Variants in LINGO2 observed in about 807,000 individuals in gnomAD.
LINGO2 encodes the protein leucine-rich repeat and immunoglobulin-like domain-containing nogo receptor-interacting protein 2.
LINGO2 carries 14 observed loss-of-function variants against 30.6 expected under a neutral mutation model. The ratio of observed to expected loss-of-function variants is 0.46; its 90% CI spans 0.30 to 0.72. The LOEUF is 0.72. LINGO2 is among the 30% of genes least tolerant of loss of function. The pLI is 0.07. For synonymous variants in LINGO2, 317 were observed against 288.5 expected, an observed-to-expected ratio of 1.10 and a Z score of -1.00; for missense variants, 729 against 751.7, an observed-to-expected ratio of 0.97 and a Z score of 0.35.
At chr9:28,639,223 C>G (rs372010672) in intron 1 of LINGO2, among the ~76,000 whole-genome samples, 8 of 152,058 alleles carry the variant, frequency 5.3e-5, no homozygotes, top group East Asian at 3.9e-4. Flanking sequence ...ATTTGCTGAG[C>G]AGTGCTTTAC....
chr9:28,552,340 A>C (rs1242506193), intron 1 of LINGO2, among the ~76,000 whole-genome samples: 1 of 152,022 alleles, frequency 6.6e-6, no homozygotes, highest in East Asian at 1.9e-4. Flanking sequence ...CATTAAGAAA[A>C]TAACTGCACG....
chr9:28,882,432 AGC>A, the LINGO2 span, among the ~76,000 whole-genome samples: 1 of 152,210 alleles, frequency 6.6e-6, no homozygotes, highest in Non-Finnish European at 1.5e-5. Flanking sequence ...GATTTGGTAC[AGC>A]TACTAGAACA....
chr9:27,995,438 C>G (rs1318882471), intron 5 of LINGO2, among the ~76,000 whole-genome samples: 1 of 152,132 alleles, frequency 6.6e-6, no homozygotes, highest in African/African-American at 2.4e-5. Flanking sequence ...ATAAAAAACG[C>G]TACATGCCAA....
the LINGO2 span, among the ~76,000 whole-genome samples, chr9:29,128,844 GC>G: frequency 6.6e-6 from 1 of 152,042 alleles, no homozygotes; most frequent in African/African-American, 2.4e-5. Context: ...TATACGTTGT[GC>G]CTACCAAATT....
intron 4 of LINGO2, among the ~76,000 whole-genome samples, chr9:28,220,001 G>A (rs1820900767): frequency 6.6e-6 from 1 of 152,050 alleles, no homozygotes; most frequent in Admixed American, 6.5e-5. Context: ...TGTATACTGA[G>A]CCTGCACAAA....
chr9:28,544,377 T>C (rs10968649), intron 1 of LINGO2, among the ~76,000 whole-genome samples: 1 of 152,020 alleles, frequency 6.6e-6, no homozygotes. Context: ...GACAGCTCTC[T>C]TGACTTTCAC....
intron 3 of LINGO2, among the ~76,000 whole-genome samples, chr9:28,348,991 C>G (rs1819727126): frequency 6.7e-6 from 1 of 150,040 alleles, no homozygotes; most frequent in South Asian, 2.1e-4. Flanking sequence ...CACCAAAAAC[C>G]CATCTGTACA....
chr9:28,786,239 TA>T, the LINGO2 span, among the ~76,000 whole-genome samples: 177 of 152,124 alleles, frequency 1.2e-3, 1 homozygote, highest in Non-Finnish European at 2.0e-3. Context: ...ATGCTACTAA[TA>T]AAAAAAACCT....
At chr9:27,986,571 C>G (rs1330940646) in intron 5 of LINGO2, among the ~76,000 whole-genome samples, 2 of 151,778 alleles carry the variant, frequency 1.3e-5, no homozygotes, top group African/African-American at 2.4e-5. Flanking sequence ...TTAGGAAAAA[C>G]TGACAGCCTC....
the LINGO2 span, among the ~76,000 whole-genome samples, chr9:29,129,378 A>T: frequency 2.6e-5 from 4 of 152,170 alleles, no homozygotes; most frequent in East Asian, 1.9e-4. Context: ...TTTAAAATAA[A>T]TTTTTTTGTA....
At chr9:28,556,848 C>T (rs1174702604) in intron 1 of LINGO2, among the ~76,000 whole-genome samples, 1 of 152,024 alleles carries the variant, frequency 6.6e-6, no homozygotes, top group Non-Finnish European at 1.5e-5. Context: ...CACTGCATAT[C>T]TACAACTATC....
At chr9:28,190,853 A>G (rs1053524070) in intron 4 of LINGO2, among the ~76,000 whole-genome samples, 15 of 152,214 alleles carry the variant, frequency 9.9e-5, no homozygotes, top group African/African-American at 3.6e-4. Context: ...CTGAAGAAAC[A>G]TCTAAATTTT....
At chr9:28,911,127 A>T in the LINGO2 span, among the ~76,000 whole-genome samples, 1 of 152,060 alleles carries the variant, frequency 6.6e-6, no homozygotes, top group African/African-American at 2.4e-5. Flanking sequence ...TGGGTCGATT[A>T]TGTCAATAAA....
rs1226563978 is a variant in LINGO2, at chr9:28,308,767, T to C, written c.-245-13401A>G. On this transcript the variant is annotated intron_variant, in intron 3 of 5. Transcript: ENST00000379992. ...ACAAACAACCCCATCAAAAAGTGGG[T>C]GAAGGACATGAACAGACTCTTCTCA... Among the ~76,000 whole-genome samples the C allele has an allele frequency of 5.5e-4, 84 of 151,502 alleles. 1 individual carries two copies. The East Asian group carries it at 8.7e-3, about 16-fold the overall frequency.
intron 4 of LINGO2, among the ~76,000 whole-genome samples, chr9:28,021,570 C>G (rs1052661591): frequency 9.2e-5 from 14 of 152,130 alleles, no homozygotes; most frequent in Non-Finnish European, 1.6e-4. Flanking sequence ...CTTGATTTAC[C>G]AATTATTGAA....
chr9:28,564,915 C>T (rs1341928852), intron 1 of LINGO2, among the ~76,000 whole-genome samples: 1 of 152,050 alleles, frequency 6.6e-6, no homozygotes. Context: ...CACAGCACTG[C>T]TGCATACCTG....
the LINGO2 span, among the ~76,000 whole-genome samples, chr9:29,051,578 T>A: frequency 6.6e-6 from 1 of 152,152 alleles, no homozygotes; most frequent in Non-Finnish European, 1.5e-5. Context: ...TGTCCAGACT[T>A]TTCATAGGCT....
chr9:28,920,255 T>C, the LINGO2 span, among the ~76,000 whole-genome samples: 9 of 152,058 alleles, frequency 5.9e-5, no homozygotes, highest in African/African-American at 9.6e-5. Flanking sequence ...AATAAATAAT[T>C]TGATTTCATA....
the LINGO2 span, among the ~76,000 whole-genome samples, chr9:28,712,138 G>A: frequency 6.6e-6 from 1 of 152,048 alleles, no homozygotes; most frequent in Non-Finnish European, 1.5e-5. Context: ...GAATAATGCC[G>A]GTAGGAGATA....
Sources: gnomAD v4.1 joint callset for allele counts (sites outside exome capture counted in the v4.1 genomes callset) on GRCh38, gnomAD v4.1.1 for gene constraint, MANE v1.5 for transcripts, NCBI Gene and HGNC (gene_info 2026-07-23, HGNC 2026-07-21) for gene names.